The following ARFGEF3 variants were observed in gnomAD, a reference collection of about 807,000 sequenced individuals.
The protein encoded by ARFGEF3 is brefeldin A-inhibited guanine nucleotide-exchange protein 3.
A neutral mutation model predicts 221.7 loss-of-function variants in ARFGEF3; 96 were observed. The observed-to-expected ratio is 0.43, with a 90% confidence interval of 0.37 to 0.51. ARFGEF3 has a LOEUF of 0.51. Ranked by LOEUF, ARFGEF3 falls within the 20% of genes least tolerant of loss-of-function variation. The probability of loss-of-function intolerance (pLI) is 0.00; values close to 1 mark genes in which losing one functional copy is unlikely to be tolerated. For synonymous variants in ARFGEF3, 1,145 were observed against 1,126.8 expected (o/e 1.02, Z -0.32); for missense variants, 2,410 against 2,789.9 (o/e 0.86, Z 3.07).
intron 29 of ARFGEF3, among the ~76,000 whole-genome samples, chr6:138,321,835 A>G (rs1780032421): frequency 6.6e-6 from 1 of 152,192 alleles, no homozygotes; most frequent in Non-Finnish European, 1.5e-5. Flanking sequence ...GTATTAGTCC[A>G]TTTTCATGCT....
chr6:138,334,801 C>T lies in ARFGEF3; in HGVS notation c.5955C>T (p.Asp1985=), dbSNP rs779804890. 5.6e-6 allele frequency: 9 copies of T among 1,603,820 alleles called. No individual in the cohort carries two copies. The East Asian group carries it at 6.8e-5, about 12-fold the overall frequency. ...TGAGCCTGAAGGCCGGTGGTGGGGA[C>T]CTGCTGCTGCCCCCCAGCCCCAAAG... The part of the protein sequence containing the change: ...ESLSLKAGGG[D]LLLPPSPKVE... Residue 1985 remains aspartate, a synonymous_variant, in exon 33 of 34, where the codon GAC becomes GAT. Coordinates refer to ENST00000251691, the MANE Select transcript of ARFGEF3 (RefSeq NM_020340.5). This position sits in a 1 kb window ranked among gnomAD's most constrained non-coding sequence, Gnocchi z 5.1.
rs766138650 is a variant in ARFGEF3, at chr6:138,334,507, C to T, written c.5661C>T (p.Leu1887=). 23 of 1,611,030 alleles carry T rather than the reference C, an allele frequency of 1.4e-5. No individual in the cohort carries two copies. Among genetic ancestry groups the T allele is most frequent in the Non-Finnish European group, 2.0e-5 (23 of 1,179,104 alleles). Reference sequence around the variant, plus strand: ...AGTGGCGGGCACGGATGCCCTTGCTCAGCGTCCAGCCTGTCAGCAACGCAG... The same window carrying T: ...AGTGGCGGGCACGGATGCCCTTGCTTAGCGTCCAGCCTGTCAGCAACGCAG... ...KRQWRARMPL[L]SVQPVSNADW... is the part of the protein sequence containing the mutation. The change falls in exon 33 of 34, where the codon CTC becomes CTT. Residue 1887 remains leucine, a synonymous_variant. Coordinates refer to ENST00000251691, the MANE Select transcript of ARFGEF3 (RefSeq NM_020340.5). This position sits in a 1 kb window ranked among gnomAD's most constrained non-coding sequence, Gnocchi z 5.1.
intron 12 of ARFGEF3, 105 bp from the exon 13 acceptor site, chr6:138,278,346 C>G (rs1238303382): frequency 8.0e-6 from 8 of 995,486 alleles, no homozygotes; most frequent in Non-Finnish European, 1.2e-5. Flanking sequence ...ACAGAAATAT[C>G]CTATTGATGC....
intron 30 of ARFGEF3, 41 bp downstream of exon 30, chr6:138,323,814 C>T (rs375031033): frequency 1.9e-6 from 3 of 1,594,646 alleles, no homozygotes; most frequent in African/African-American, 2.7e-5. Flanking sequence ...ACAGTTCTAA[C>T]CATCTTTAGC....
chr6:138,187,511 G>T (rs934839354), intron 2 of ARFGEF3, among the ~76,000 whole-genome samples: 2 of 152,224 alleles, frequency 1.3e-5, no homozygotes, highest in Admixed American at 1.3e-4. Context: ...AGCAAGGAAG[G>T]CTCCGGCTCT....
At chr6:138,222,240 C>T (rs942374165) in intron 4 of ARFGEF3, among the ~76,000 whole-genome samples, 4 of 151,886 alleles carry the variant, frequency 2.6e-5, no homozygotes, top group African/African-American at 9.7e-5. Flanking sequence ...CTAACACTAC[C>T]GATAGCTGAT....
chr6:138,323,047 T>C (rs1338240114), intron 29 of ARFGEF3, among the ~76,000 whole-genome samples: 1 of 151,472 alleles, frequency 6.6e-6, no homozygotes, highest in Non-Finnish European at 1.5e-5. Context: ...TGGGGTTTGG[T>C]TTTGCTTGTA....
At chr6:138,241,101 A>G (rs746299526) in intron 6 of ARFGEF3, among the ~76,000 whole-genome samples, 1 of 152,220 alleles carries the variant, frequency 6.6e-6, no homozygotes, top group Admixed American at 6.5e-5. Flanking sequence ...GGCCTCAAGT[A>G]TATCCAAATG....
At chr6:138,225,566 C>T (rs540694283) in intron 4 of ARFGEF3, among the ~76,000 whole-genome samples, 11 of 152,274 alleles carry the variant, frequency 7.2e-5, no homozygotes, top group Non-Finnish European at 1.0e-4. Flanking sequence ...ATAGACGGTG[C>T]GAGTTTTTTT....
At position 138,286,821 on chromosome 6, in the gene ARFGEF3, C is replaced by G. The variant is rs1779304573; in HGVS notation, c.2690C>G (p.Ala897Gly). The change falls in exon 16 of 34, where the codon GCT becomes GGT. Residue 897 changes from alanine to glycine, a missense_variant. By Grantham distance (60) the Ala-to-Gly change is moderately conservative. Transcript: ENST00000251691. ...AAAGGGCTGGCCTTCATTCTGGGAG[C>G]TGAAGGCATCAAAGAGCAGAACCAG... Reference protein sequence around the residue: ...SSKGLAFILGAEGIKEQNQKE... With the variant: ...SSKGLAFILGGEGIKEQNQKE... 1 of 1,614,008 alleles carries G rather than the reference C, an allele frequency of 6.2e-7. No homozygotes were observed. The highest frequency in any genetic ancestry group is 8.5e-7 in the Non-Finnish European group (1 of 1,179,888).
At chr6:138,312,597 G>A (rs899092177) in intron 25 of ARFGEF3, among the ~76,000 whole-genome samples, 25 of 152,050 alleles carry the variant, frequency 1.6e-4, no homozygotes, top group African/African-American at 5.8e-4. Flanking sequence ...CCTCTGCTGG[G>A]ACTCTCTCCC....
chr6:138,309,087 AT>A (rs1779779496), intron 24 of ARFGEF3, among the ~76,000 whole-genome samples: 1 of 152,196 alleles, frequency 6.6e-6, no homozygotes, highest in Admixed American at 6.5e-5. Context: ...CTTATAGCAT[AT>A]TTTTAATCTA....
chr6:138,193,196 T>C (rs1193923052), intron 2 of ARFGEF3, among the ~76,000 whole-genome samples: 3 of 152,166 alleles, frequency 2.0e-5, no homozygotes, highest in Non-Finnish European at 4.4e-5. Context: ...CTCTGTACCT[T>C]TGCATTTACA....
intron 2 of ARFGEF3, among the ~76,000 whole-genome samples, chr6:138,186,228 A>G (rs1777178842): frequency 6.6e-6 from 1 of 152,330 alleles, no homozygotes; most frequent in South Asian, 2.1e-4. Context: ...CTCTGGAAAT[A>G]GGCCTTAGTG....
At chr6:138,328,805 CAT>C (rs1780170524) in intron 32 of ARFGEF3, among the ~76,000 whole-genome samples, 1 of 152,070 alleles carries the variant, frequency 6.6e-6, no homozygotes, top group African/African-American at 2.4e-5. Context: ...GTCTGAGTAA[CAT>C]AGTAAGAGCC....
intron 12 of ARFGEF3, among the ~76,000 whole-genome samples, chr6:138,266,886 C>G (rs995546912): frequency 1.4e-5 from 2 of 140,746 alleles, no homozygotes; most frequent in African/African-American, 5.3e-5. Context: ...AGTTCATGAG[C>G]TAAGGGAGTT....
At chr6:138,320,155 T>G (rs746819610) in intron 28 of ARFGEF3, among the ~76,000 whole-genome samples, 7 of 152,058 alleles carry the variant, frequency 4.6e-5, no homozygotes, top group Admixed American at 4.6e-4. Flanking sequence ...GGGGTACCTG[T>G]GCATTAGGAG....
At position 138,263,285 on chromosome 6, in the gene ARFGEF3, A is replaced by C; in HGVS notation, c.1802A>C (p.Gln601Pro). The C allele has an allele frequency of 6.2e-7, 1 of 1,614,008 alleles. No homozygotes were observed. The highest frequency in any genetic ancestry group is 8.5e-7 in the Non-Finnish European group (1 of 1,179,894). The change falls in exon 12 of 34, where the codon CAA (glutamine) becomes CCA (proline). Residue 601 changes from glutamine to proline, a missense_variant. Transcript: ENST00000251691. ...GAGAGCAATTTTAGCGTTGATGACC[A>C]AGACCTTTCTAGGACAGAGTTTGAT... ...YSESNFSVDD[Q>P]DLSRTEFDSC...
chr6:138,223,263 T>G (rs1778015087), intron 4 of ARFGEF3, among the ~76,000 whole-genome samples: 1 of 152,114 alleles, frequency 6.6e-6, no homozygotes, highest in Admixed American at 6.5e-5. Flanking sequence ...AGAACTGGAG[T>G]GTTTCTAAAG....
Sources: allele counts gnomAD v4.1 joint callset (sites outside exome capture counted in the v4.1 genomes callset), GRCh38; gene constraint gnomAD v4.1.1; non-coding constraint Gnocchi (gnomAD v3.1); transcripts MANE v1.5; gene names NCBI Gene and HGNC (gene_info 2026-07-23, HGNC 2026-07-21).